Variants in TRANK1 observed in about 807,000 individuals in gnomAD.
The protein encoded by TRANK1 is tetratricopeptide repeat and ankyrin repeat containing 1.
TRANK1 carries 198 observed loss-of-function variants against 266.0 expected under a neutral mutation model. That is an observed-to-expected ratio of 0.74 (90% CI 0.66 to 0.84). The LOEUF (loss-of-function observed/expected upper bound fraction) is 0.84. Among genes scored for constraint, TRANK1 ranks in the 40% least tolerant of loss-of-function variants. The pLI is 0.00. For missense variants in TRANK1, 3,326 were observed against 3,634.6 expected (o/e 0.92, Z 2.18); for synonymous variants, 1,396 against 1,384.1 (o/e 1.01, Z -0.19).
Position 36,847,228 on chromosome 3 carries a change from G to C in TRANK1, c.5006C>G (p.Ser1669Cys). The change falls in exon 16 of 24, where the codon TCT becomes TGT. Residue 1669 changes from serine to cysteine, a missense_variant. Coordinates refer to ENST00000645898, the MANE Select transcript of TRANK1 (RefSeq NM_001329998.2). ...LDKPGSSQGR[S>C]LMVNPEMYKL... ...GTACATTTCTGGATTCACCATGAGA[G>C]ATCGACCCTGAGAAGAGCCTGGTTT... 6.2e-7 allele frequency: 1 copy of C among 1,613,432 alleles called. No homozygotes were observed. The highest frequency in any genetic ancestry group is 8.5e-7 in the Non-Finnish European group (1 of 1,179,642).
chr3:36,926,479 T>G (rs574481953), intron 1 of TRANK1, among the ~76,000 whole-genome samples: 56 of 152,194 alleles, frequency 3.7e-4, no homozygotes, highest in Non-Finnish European at 7.3e-4. Context: ...GAGAGAGACC[T>G]GGGCCAATCG....
chr3:36,944,767 C>A lies in TRANK1; in HGVS notation c.23+20G>T. On this transcript the variant is annotated intron_variant, in intron 1 of 23. Transcript: ENST00000645898. Reference sequence around the variant, plus strand: ...CCGGAAGGCCAGAGATGCCCCAGTGCTTCCCGCGCCGCTACGCACCTAGCT... The same window carrying A: ...CCGGAAGGCCAGAGATGCCCCAGTGATTCCCGCGCCGCTACGCACCTAGCT... 2 of 1,499,936 alleles carry A rather than the reference C, an allele frequency of 1.3e-6. No individual in the cohort carries two copies. The highest frequency in any genetic ancestry group is 2.5e-5 in the South Asian group (2 of 80,906). The allele number at this position is 1,499,936 out of a possible 1,614,324, so 92.9% of individuals were successfully genotyped here.
chr3:36,842,502 C>T (rs750353743), intron 18 of TRANK1, 120 bp downstream of exon 18: 17 of 831,204 alleles, frequency 2.0e-5, no homozygotes, highest in Non-Finnish European at 3.2e-5. Flanking sequence ...TTTCAGAACA[C>T]GTGGCACAAG....
intron 8 of TRANK1, chr3:36,880,662 C>CT (rs1430637620): frequency 5.5e-6 from 1 of 180,548 alleles, no homozygotes; most frequent in African/African-American, 2.4e-5. Flanking sequence ...CACAAATTCT[C>CT]CAACTTTTTT....
chr3:36,856,186 C>T lies in TRANK1; in HGVS notation c.3536G>A (p.Cys1179Tyr), dbSNP rs1465360333. 5 of 1,613,934 alleles carry T rather than the reference C, an allele frequency of 3.1e-6. No individual in the cohort carries two copies. Among genetic ancestry groups the T allele is most frequent in the Non-Finnish European group, 4.2e-6 (5 of 1,179,878 alleles). The change falls in exon 13 of 24, where the codon TGT (cysteine) becomes TAT (tyrosine). Residue 1179 changes from cysteine (C) to tyrosine (Y), a missense_variant. By Grantham distance (194) the Cys-to-Tyr change is radical (BLOSUM62 -2). Coordinates refer to ENST00000645898, the MANE Select transcript of TRANK1 (RefSeq NM_001329998.2). ...CAGCTGGTGGGGATGTTCTGGTGCA[C>T]ATACTTCTGCAGCTTGGCCGTCCCC... ...PAGDGQAAEVCAPEHPHQLEH... is the reference protein window; with the variant it reads ...PAGDGQAAEVYAPEHPHQLEH...
At chr3:36,894,878 A>G (rs2079765244) in intron 5 of TRANK1, among the ~76,000 whole-genome samples, 1 of 152,112 alleles carries the variant, frequency 6.6e-6, no homozygotes, top group Admixed American at 6.6e-5. Context: ...ATGAGCACTT[A>G]TAGCCTATCA....
intron 1 of TRANK1, among the ~76,000 whole-genome samples, chr3:36,919,223 T>C (rs2080180382): frequency 6.6e-6 from 1 of 152,256 alleles, no homozygotes; most frequent in South Asian, 2.1e-4. Flanking sequence ...ATGATTTTTA[T>C]ACCCATCTAC....
chr3:36,865,024 G>GTTTTTTTT (rs34540496), intron 9 of TRANK1, among the ~76,000 whole-genome samples: 1 of 119,808 alleles, frequency 8.3e-6, no homozygotes, highest in Admixed American at 8.8e-5. Context: ...TGTTTTTTTG[G>GTTTTTTTT]TTTTTTTTTT....
chr3:36,828,029 C>G lies in TRANK1; in HGVS notation c.*246G>C, dbSNP rs1434019385. The G allele has an allele frequency of 2.2e-6, 1 of 454,238 alleles. No homozygotes were observed. The highest frequency in any genetic ancestry group is 3.5e-5 in the Admixed American group (1 of 28,486). 28.1% of individuals were successfully genotyped at this position (454,238 alleles called of 1,614,324 possible). On this transcript the variant is annotated 3_prime_UTR_variant, in exon 24 of 24. Transcript: ENST00000645898. ...ATTCCCTTCGACTACAACTTCTCTA[C>G]CTGAATTTGTTTGTGGGGGAAACTA...
chr3:36,839,041 T>C (rs1369175752), intron 18 of TRANK1, among the ~76,000 whole-genome samples: 1 of 152,254 alleles, frequency 6.6e-6, no homozygotes, highest in East Asian at 1.9e-4. Flanking sequence ...TCATTGTATA[T>C]AGTTGCTACT....
intron 13 of TRANK1, among the ~76,000 whole-genome samples, 161 bp from the exon 14 acceptor site, chr3:36,852,506 C>T (rs1451058455): frequency 6.6e-6 from 1 of 152,122 alleles, no homozygotes; most frequent in Non-Finnish European, 1.5e-5. Context: ...ACCTCTGCAG[C>T]CCTGAGCTCT....
Position 36,835,102 on chromosome 3 carries a change from G to A in TRANK1, c.5518-195C>T, listed in dbSNP as rs575396500. ...TGGGAGGCCGAGGCGGGCGGATCACGAGGTCAGGAGATTGAGACCATCCCG... is the reference window on the plus strand; with the variant it reads ...TGGGAGGCCGAGGCGGGCGGATCACAAGGTCAGGAGATTGAGACCATCCCG... On this transcript the variant is annotated intron_variant, in intron 20 of 23. Transcript: ENST00000645898. Among the ~76,000 whole-genome samples the A allele has an allele frequency of 7.4e-4, 113 of 151,872 alleles. 1 individual carries two copies. The highest frequency in any genetic ancestry group is 2.5e-3 in the African/African-American group (104 of 41,450).
At chr3:36,847,456 A>T in intron 15 of TRANK1, 110 bp from the exon 16 acceptor site, 2 of 1,161,216 alleles carry the variant, frequency 1.7e-6, no homozygotes, top group Non-Finnish European at 2.4e-6. Context: ...CAGGCCTTCA[A>T]CCCCAACTTT....
rs2078652029 is a variant in TRANK1, at chr3:36,828,241, T to C, written c.*34A>G. ...AGAATTCTAAGTCAGAATGGAATGTTCCGAAGGATGAGGAGGCTGCAGCTG... is the reference window on the plus strand; with the variant it reads ...AGAATTCTAAGTCAGAATGGAATGTCCCGAAGGATGAGGAGGCTGCAGCTG... On this transcript the variant is annotated 3_prime_UTR_variant, in exon 24 of 24. Coordinates refer to ENST00000645898, the MANE Select transcript of TRANK1 (RefSeq NM_001329998.2). 6.7e-7 allele frequency: 1 copy of C among 1,488,206 alleles called. No homozygotes were observed. Among genetic ancestry groups the C allele is most frequent in the South Asian group, 1.2e-5 (1 of 85,014 alleles). The allele number at this position is 1,488,206 out of a possible 1,614,324, so 92.2% of individuals were successfully genotyped here. A position where few individuals can be genotyped will look rare whatever the true frequency, so the allele number is the denominator to read the frequency against.
chr3:36,923,289 C>T (rs1363817374), intron 1 of TRANK1, among the ~76,000 whole-genome samples: 1 of 148,494 alleles, frequency 6.7e-6, no homozygotes, highest in African/African-American at 2.5e-5. Context: ...GAGTCCCGCT[C>T]CAGTTGTGCA....
chr3:36,894,797 T>C (rs1443872414), intron 5 of TRANK1, among the ~76,000 whole-genome samples: 1 of 152,248 alleles, frequency 6.6e-6, no homozygotes, highest in African/African-American at 2.4e-5. Context: ...GTGACTTTTC[T>C]GGACTGCCCA....
At position 36,894,822 on chromosome 3, in the gene TRANK1, A is replaced by G. The variant is rs566538034; in HGVS notation, c.552+818T>C. Among the ~76,000 whole-genome samples the G allele has an allele frequency of 1.4e-3, 219 of 152,338 alleles. 1 individual carries two copies. Among genetic ancestry groups the G allele is most frequent in the Middle Eastern group, 3.4e-3 (1 of 294 alleles). On this transcript the variant is annotated intron_variant, in intron 5 of 23. Transcript: ENST00000645898. ...TGGACTGCCCAGCTTTTGAAAGCCC[A>G]GGAGGGCTGTTCTAACCAAATTCGT...
In TRANK1 at chr3:36,933,403, C is replaced by T. The variant is rs377502768; in HGVS notation, c.23+11384G>A. ...AATCCTCTGTTTGAGTGTTCAATCT[C>T]CTTAGGATTTTGAATGTTATTCCCA... On this transcript the variant is annotated intron_variant, in intron 1 of 23. Coordinates refer to ENST00000645898, the MANE Select transcript of TRANK1 (RefSeq NM_001329998.2). 2.1e-3 allele frequency among the ~76,000 whole-genome samples: 326 copies of T among 152,350 alleles called. 2 individuals carry two copies. Among genetic ancestry groups the T allele is most frequent in the Non-Finnish European group, 4.1e-3 (278 of 68,032 alleles).
At chr3:36,883,323 T>C (rs1452281340) in intron 8 of TRANK1, among the ~76,000 whole-genome samples, 1 of 151,842 alleles carries the variant, frequency 6.6e-6, no homozygotes, top group African/African-American at 2.4e-5. Flanking sequence ...AGCACATGTC[T>C]AGTCTTAGCT....
Sources: gnomAD v4.1 joint callset for allele counts (sites outside exome capture counted in the v4.1 genomes callset) on GRCh38, gnomAD v4.1.1 for gene constraint, MANE v1.5 for transcripts, NCBI Gene and HGNC (gene_info 2026-07-23, HGNC 2026-07-21) for gene names.